CSMD1: variants seen among roughly 807,000 people sequenced by gnomAD.
CSMD1 encodes CUB and Sushi multiple domains 1.
CSMD1 carries 213 observed loss-of-function variants against 417.5 expected under a neutral mutation model. That is an observed-to-expected ratio of 0.51 (90% CI 0.46 to 0.57). The LOEUF (loss-of-function observed/expected upper bound fraction) is 0.57. Ranked by LOEUF, CSMD1 falls within the 20% of genes least tolerant of loss-of-function variation. CSMD1 has a pLI of 0.00. For synonymous variants in CSMD1, 2,862 were observed against 1,736.8 expected, an observed-to-expected ratio of 1.65 and a Z score of -16.11; for missense variants, 6,923 against 4,529.7, an observed-to-expected ratio of 1.53 and a Z score of -15.17.
intron 4 of CSMD1, among the ~76,000 whole-genome samples, chr8:4,023,913 G>A (rs971852509): frequency 6.6e-6 from 1 of 151,486 alleles, no homozygotes; most frequent in East Asian, 1.9e-4. Flanking sequence ...CACAGCACCC[G>A]ACCACTGCTT....
rs1410433810 is a variant in CSMD1, at chr8:4,077,450, C to T, written c.416-45351G>A. On this transcript the variant is annotated intron_variant, in intron 3 of 69. Coordinates refer to ENST00000635120, the MANE Select transcript of CSMD1 (RefSeq NM_033225.6). ...CAATAATTAATTTGAGTATCCTATACATATCATTACTCTTAAATGTCTAGT... is the reference window on the plus strand; with the variant it reads ...CAATAATTAATTTGAGTATCCTATATATATCATTACTCTTAAATGTCTAGT... Among the ~76,000 whole-genome samples the T allele has an allele frequency of 2.6e-5, 4 of 151,586 alleles. No individual in the cohort carries two copies. In the East Asian group the frequency reaches 5.8e-4, roughly 22 times the overall value.
intron 7 of CSMD1, among the ~76,000 whole-genome samples, chr8:3,681,255 C>G (rs1244908451): frequency 2.6e-5 from 4 of 152,148 alleles, no homozygotes; most frequent in Admixed American, 1.3e-4. Context: ...AATCGTCCCT[C>G]TTTGCAGATG....
intron 5 of CSMD1, among the ~76,000 whole-genome samples, chr8:3,953,910 C>G (rs1193143891): frequency 7.9e-5 from 12 of 152,208 alleles, no homozygotes; most frequent in African/African-American, 2.9e-4. Flanking sequence ...CTCTGGGCCA[C>G]TGTCTGGAAC....
chr8:4,761,079 G>C (rs1483773972), intron 1 of CSMD1, among the ~76,000 whole-genome samples: 5 of 152,070 alleles, frequency 3.3e-5, no homozygotes, highest in African/African-American at 4.8e-5. Flanking sequence ...AGAAGTATGT[G>C]TTTGTTAATC....
intron 2 of CSMD1, among the ~76,000 whole-genome samples, chr8:4,422,140 C>T (rs560550195): frequency 6.6e-6 from 1 of 152,214 alleles, no homozygotes; most frequent in East Asian, 1.9e-4. Flanking sequence ...AAAACTTTCC[C>T]CAAATTTCCA....
intron 3 of CSMD1, among the ~76,000 whole-genome samples, chr8:4,305,319 C>G (rs952805580): frequency 6.6e-6 from 1 of 152,064 alleles, no homozygotes; most frequent in Middle Eastern, 3.2e-3. Context: ...CAGGCCGCCA[C>G]AAAGCCAGGC....
intron 5 of CSMD1, among the ~76,000 whole-genome samples, chr8:3,921,771 T>C (rs543268197): frequency 6.6e-6 from 1 of 152,174 alleles, no homozygotes; most frequent in South Asian, 2.1e-4. Context: ...GCAATCTTCT[T>C]TGATTTGTTA....
intron 3 of CSMD1, among the ~76,000 whole-genome samples, chr8:4,223,548 G>A (rs964630506): frequency 1.3e-5 from 2 of 152,230 alleles, no homozygotes; most frequent in African/African-American, 2.4e-5. Context: ...CACCAGGAGA[G>A]CTGGCCTGCA....
At chr8:4,603,299 C>CT (rs1800692925) in intron 2 of CSMD1, among the ~76,000 whole-genome samples, 1 of 151,818 alleles carries the variant, frequency 6.6e-6, no homozygotes, top group Admixed American at 6.6e-5. Context: ...CAATCAATTC[C>CT]TTTTTTGTAT....
intron 3 of CSMD1, among the ~76,000 whole-genome samples, chr8:4,254,686 C>A (rs185338451): frequency 5.9e-5 from 9 of 152,092 alleles, no homozygotes; most frequent in African/African-American, 2.2e-4. Flanking sequence ...CGTTTCACTC[C>A]ATATTTTTAC....
At chr8:4,624,622 T>C (rs984878423) in intron 2 of CSMD1, among the ~76,000 whole-genome samples, 15 of 152,286 alleles carry the variant, frequency 9.8e-5, no homozygotes, top group Non-Finnish European at 8.8e-5. Flanking sequence ...ACGCCTCACA[T>C]TTTTGCCTGG....
At chr8:3,502,270 C>T (rs1000009943) in intron 10 of CSMD1, among the ~76,000 whole-genome samples, 1 of 149,502 alleles carries the variant, frequency 6.7e-6, no homozygotes, top group South Asian at 2.1e-4. Context: ...GAGGCTGAGG[C>T]AGGAGACTGA....
intron 1 of CSMD1, among the ~76,000 whole-genome samples, chr8:4,907,351 AG>A (rs1250724652): frequency 6.6e-6 from 1 of 152,222 alleles, no homozygotes; most frequent in Non-Finnish European, 1.5e-5. Flanking sequence ...AACGGCAAAA[AG>A]CTTGGGCTCC....
At chr8:3,472,018 T>A (rs1817133079) in intron 11 of CSMD1, among the ~76,000 whole-genome samples, 1 of 152,066 alleles carries the variant, frequency 6.6e-6, no homozygotes, top group Non-Finnish European at 1.5e-5. Context: ...TACACCCCTT[T>A]CACTTTGAGA....
chr8:3,290,184 C>G (rs370267652), intron 25 of CSMD1, among the ~76,000 whole-genome samples: 2 of 146,990 alleles, frequency 1.4e-5, no homozygotes, highest in East Asian at 3.9e-4. Context: ...CCATTGGTCT[C>G]TATCTCTGTT....
At position 4,788,006 on chromosome 8, in the gene CSMD1, G is replaced by A. The variant is rs754785565; in HGVS notation, c.86-150448C>T. On this transcript the variant is annotated intron_variant, in intron 1 of 69. Transcript: ENST00000635120. ...AACAGAAAGACAAACAGTGTTATCG[G>A]GATCTCAAAGAAGTAACTCCTGAAG... The A allele has an allele frequency of 6.9e-6, 11 of 1,590,470 alleles. No homozygotes were observed. The Admixed American group carries it at 1.7e-4, about 25-fold the overall frequency.
chr8:4,052,186 A>C (rs1205794196), intron 3 of CSMD1, among the ~76,000 whole-genome samples: 1 of 152,082 alleles, frequency 6.6e-6, no homozygotes. Flanking sequence ...TGGCCTCCGA[A>C]AGTGCTGGGG....
rs543592504 is a variant in CSMD1, at chr8:4,076,722, G to C, written c.416-44623C>G. Among the ~76,000 whole-genome samples, 3 of 152,196 alleles carry C rather than the reference G, an allele frequency of 2.0e-5. No individual in the cohort carries two copies. The South Asian group carries it at 6.2e-4, about 32-fold the overall frequency. On this transcript the variant is annotated intron_variant, in intron 3 of 69. Coordinates refer to ENST00000635120, the MANE Select transcript of CSMD1 (RefSeq NM_033225.6). ...TTGTCTTTCACTGCTACTCATCTCTGGCTCTCCAAGCCCTGACCCACCCTG... is the reference window on the plus strand; with the variant it reads ...TTGTCTTTCACTGCTACTCATCTCTCGCTCTCCAAGCCCTGACCCACCCTG...
At chr8:3,197,816 C>T (rs958410492) in intron 33 of CSMD1, among the ~76,000 whole-genome samples, 4 of 152,118 alleles carry the variant, frequency 2.6e-5, no homozygotes, top group East Asian at 1.9e-4. Context: ...AAGCAATGTT[C>T]CATTTAACTT....
Sources: gnomAD v4.1 joint callset for allele counts (sites outside exome capture counted in the v4.1 genomes callset) on GRCh38, gnomAD v4.1.1 for gene constraint, MANE v1.5 for transcripts, NCBI Gene and HGNC (gene_info 2026-07-23, HGNC 2026-07-21) for gene names.